The following SPINK13 variants were observed in gnomAD, a reference collection of about 807,000 sequenced individuals.
SPINK13 encodes the protein serine protease inhibitor Kazal-type 13.
SPINK13 carries 11 observed loss-of-function variants against 11.0 expected under a neutral mutation model. That is an observed-to-expected ratio of 1.00 (90% CI 0.63 to 1.65). SPINK13 has a LOEUF of 1.65. SPINK13 is among the 40% of genes most tolerant of loss of function. SPINK13 has a pLI of 0.00. For synonymous variants in SPINK13, 31 were observed against 35.6 expected (o/e 0.87, Z 0.46); for missense variants, 113 against 117.7 (o/e 0.96, Z 0.19).
intron 4 of SPINK13, among the ~76,000 whole-genome samples, chr5:148,282,482 A>G (rs1756532867): frequency 6.6e-6 from 1 of 152,206 alleles, no homozygotes; most frequent in Non-Finnish European, 1.5e-5. Flanking sequence ...CTGTACAGAG[A>G]TTATATTTGT....
At chr5:148,285,431 G>A (rs948899036) in intron 4 of SPINK13, among the ~76,000 whole-genome samples, 3 of 152,162 alleles carry the variant, frequency 2.0e-5, no homozygotes, top group Admixed American at 1.3e-4. Flanking sequence ...AACTGTTTGG[G>A]AAAACACTTG....
chr5:148,272,975 T>G (rs1313379520), intron 2 of SPINK13, among the ~76,000 whole-genome samples: 1 of 152,192 alleles, frequency 6.6e-6, no homozygotes, highest in Non-Finnish European at 1.5e-5. Flanking sequence ...CCAATTTGGA[T>G]TCCCACCAGG....
At chr5:148,282,328 C>T in intron 4 of SPINK13, 97 bp downstream of exon 4, 1 of 1,433,570 alleles carries the variant, frequency 7.0e-7, no homozygotes, top group Non-Finnish European at 9.4e-7. Flanking sequence ...CTGATGCATA[C>T]TTTTTTTAAA....
At chr5:148,274,906 G>T in intron 3 of SPINK13, among the ~76,000 whole-genome samples, 1 of 152,116 alleles carries the variant, frequency 6.6e-6, no homozygotes, top group East Asian at 1.9e-4. Context: ...ATAAGATATT[G>T]AGTAAATATA....
In SPINK13 at chr5:148,283,798, T is replaced by C. The variant is rs190042484; in HGVS notation, c.236+1567T>C. Among the ~76,000 whole-genome samples, 30 of 152,294 alleles carry C rather than the reference T, an allele frequency of 2.0e-4. No individual in the cohort carries two copies. In the East Asian group the frequency reaches 5.8e-3, roughly 29 times the overall value. On this transcript the variant is annotated intron_variant, in intron 4 of 4. Transcript: ENST00000398450. ...GTAGCTCTTCCATGTAATATTTCTG[T>C]TATACTCTGTGGTGTTTGTACACAC...
chr5:148,285,984 T>A lies in SPINK13; in HGVS notation c.237-16T>A, dbSNP rs1226864045. On this transcript the variant is annotated splice_polypyrimidine_tract_variant and intron_variant, in intron 4 of 4. Transcript: ENST00000398450. The stretch of plus-strand genomic sequence containing the variant: ...TTCCTTATGATACTAATCTTCTTTT[T>A]TTCTCTTCTCTTTAGGGAATTTCAT... 1.4e-6 allele frequency: 2 copies of A among 1,387,800 alleles called. No homozygotes were observed. The highest frequency in any genetic ancestry group is 2.5e-5 in the East Asian group (1 of 40,202). 86.0% of individuals were successfully genotyped at this position (1,387,800 alleles called of 1,614,324 possible).
chr5:148,271,874 T>TC (rs1756356864), intron 2 of SPINK13, among the ~76,000 whole-genome samples: 1 of 152,014 alleles, frequency 6.6e-6, no homozygotes, highest in East Asian at 1.9e-4. Context: ...TCCGCCCGCC[T>TC]GGCCTCCCAA....
At chr5:148,278,893 A>G (rs995782873) in intron 3 of SPINK13, among the ~76,000 whole-genome samples, 3 of 152,054 alleles carry the variant, frequency 2.0e-5, no homozygotes, top group Admixed American at 6.6e-5. Context: ...ATTGTGTGGG[A>G]GTGTAAGTCT....
chr5:148,284,979 T>G (rs1166247619), intron 4 of SPINK13, among the ~76,000 whole-genome samples: 1 of 152,208 alleles, frequency 6.6e-6, no homozygotes, highest in Non-Finnish European at 1.5e-5. Flanking sequence ...GCAAAGTTGA[T>G]GAGAATAGAA....
rs548693009 is a variant in SPINK13, at chr5:148,272,737, T to G, written c.71-1610T>G. Among the ~76,000 whole-genome samples, 6 of 152,304 alleles carry G rather than the reference T, an allele frequency of 3.9e-5. No individual in the cohort carries two copies. The East Asian group carries it at 1.2e-3, about 29-fold the overall frequency. On this transcript the variant is annotated intron_variant, in intron 2 of 4. Coordinates refer to ENST00000398450, the MANE Select transcript of SPINK13 (RefSeq NM_001040129.3). ...CTTTAACAAATTAACTAAACCATAT[T>G]TTAAAAGAAAAATATGTTTACACCA...
At chr5:148,280,182 T>C (rs1465844193) in intron 3 of SPINK13, among the ~76,000 whole-genome samples, 1 of 152,190 alleles carries the variant, frequency 6.6e-6, no homozygotes, top group African/African-American at 2.4e-5. Context: ...TAGCAGTTCC[T>C]GTAACCTTTT....
At chr5:148,276,627 T>C (rs549658623) in intron 3 of SPINK13, among the ~76,000 whole-genome samples, 1 of 152,332 alleles carries the variant, frequency 6.6e-6, no homozygotes, top group South Asian at 2.1e-4. Flanking sequence ...GTGTTATTTC[T>C]GAGGCCTCTG....
intron 4 of SPINK13, among the ~76,000 whole-genome samples, chr5:148,283,566 T>C (rs1327955130): frequency 6.6e-6 from 1 of 152,196 alleles, no homozygotes; most frequent in Admixed American, 6.5e-5. Flanking sequence ...CAGAGGATAA[T>C]TGAAATGTCC....
intron 2 of SPINK13, among the ~76,000 whole-genome samples, chr5:148,271,068 A>G (rs928017510): frequency 6.6e-6 from 1 of 152,234 alleles, no homozygotes; most frequent in African/African-American, 2.4e-5. Context: ...AGCAATAAGA[A>G]AATAGTACAC....
At chr5:148,281,920 G>T (rs1188689775) in intron 3 of SPINK13, among the ~76,000 whole-genome samples, 184 bp from the exon 4 acceptor site, 1 of 152,160 alleles carries the variant, frequency 6.6e-6, no homozygotes, top group Non-Finnish European at 1.5e-5. Flanking sequence ...TGATAGGATG[G>T]GTGGGGACAC....
At chr5:148,279,865 C>A (rs1756487393) in intron 3 of SPINK13, among the ~76,000 whole-genome samples, 1 of 152,100 alleles carries the variant, frequency 6.6e-6, no homozygotes, top group African/African-American at 2.4e-5. Context: ...GATAATATAT[C>A]CTGAAGGGTG....
At chr5:148,270,942 C>T (rs1756341745) in intron 2 of SPINK13, 1 of 152,168 alleles carries the variant, frequency 6.6e-6, no homozygotes. Context: ...CTTAGAAACT[C>T]CAGGAGGAAT....
chr5:148,279,091 CTTTTTTT>C (rs746029113), intron 3 of SPINK13, among the ~76,000 whole-genome samples: 2 of 51,682 alleles, frequency 3.9e-5, no homozygotes, highest in Admixed American at 2.2e-4. Flanking sequence ...GCAACCCCTG[CTTTTTTT>C]TTTTTTTTTT....
rs530507367 is a variant in SPINK13 at position 148,277,600 on chromosome 5, C to T, written c.108+3216C>T. Among the ~76,000 whole-genome samples the T allele has an allele frequency of 1.8e-4, 28 of 152,290 alleles. No homozygotes were observed. In the East Asian group the frequency reaches 2.3e-3, roughly 13 times the overall value. On this transcript the variant is annotated intron_variant, in intron 3 of 4. Coordinates refer to ENST00000398450, the MANE Select transcript of SPINK13 (RefSeq NM_001040129.3). ...TGTTTATTGATTTGCATATGTTAAA[C>T]GAACGTTGCATCGCAAGGATGAAGC...
Sources: gnomAD v4.1 joint callset for allele counts (sites outside exome capture counted in the v4.1 genomes callset) on GRCh38, gnomAD v4.1.1 for gene constraint, MANE v1.5 for transcripts, NCBI Gene and HGNC (gene_info 2026-07-23, HGNC 2026-07-21) for gene names.